Variants in ZFYVE9 observed in about 807,000 individuals in gnomAD.
ZFYVE9 encodes zinc finger FYVE domain-containing protein 9.
In ZFYVE9, 43 loss-of-function variants were observed where a neutral mutation model predicts 126.7. The observed-to-expected ratio is 0.34, with a 90% CI of 0.27 to 0.44. The LOEUF is 0.44. ZFYVE9 is among the 20% of genes least tolerant of loss of function. ZFYVE9 has a pLI of 1.00. For synonymous variants in ZFYVE9, 521 were observed against 597.4 expected, an observed-to-expected ratio of 0.87 and a Z score of 1.87; for missense variants, 1,476 against 1,697.0, an observed-to-expected ratio of 0.87 and a Z score of 2.29.
intron 13 of ZFYVE9, among the ~76,000 whole-genome samples, chr1:52,320,665 A>G (rs912521661): frequency 2.6e-5 from 4 of 152,240 alleles, no homozygotes; most frequent in Non-Finnish European, 4.4e-5. Flanking sequence ...CAGAGTTAAA[A>G]CTAAAACTTC....
intron 1 of ZFYVE9, among the ~76,000 whole-genome samples, chr1:52,147,048 C>T (rs1318896906): frequency 1.3e-5 from 2 of 151,934 alleles, no homozygotes; most frequent in African/African-American, 4.8e-5. Flanking sequence ...GTTTCATGTA[C>T]AAAATTATTA....
intron 12 of ZFYVE9, among the ~76,000 whole-genome samples, chr1:52,303,092 A>C (rs924765336): frequency 3.3e-5 from 5 of 152,206 alleles, no homozygotes; most frequent in Admixed American, 3.3e-4. Flanking sequence ...CTCGGGCAAC[A>C]GAGTGAGACT....
At chr1:52,308,411 T>C (rs921522753) in intron 13 of ZFYVE9, among the ~76,000 whole-genome samples, 1 of 152,144 alleles carries the variant, frequency 6.6e-6, no homozygotes, top group Non-Finnish European at 1.5e-5. Context: ...GATCCTGAAC[T>C]CCTGGGCTTA....
At chr1:52,265,539 G>A (rs922540309) in intron 5 of ZFYVE9, among the ~76,000 whole-genome samples, 4 of 152,200 alleles carry the variant, frequency 2.6e-5, no homozygotes, top group African/African-American at 2.4e-5. Context: ...CTTTAAAGGC[G>A]ATAGGTGATG....
In ZFYVE9 at chr1:52,182,797, T is replaced by A. The variant is rs1028326610; in HGVS notation, c.-142-33572T>A. 2.8e-4 allele frequency among the ~76,000 whole-genome samples: 43 copies of A among 151,986 alleles called. 2 individuals are homozygous for A. The highest frequency in any genetic ancestry group is 1.4e-3 in the Admixed American group (22 of 15,268). On this transcript the variant is annotated intron_variant, in intron 1 of 18. Coordinates refer to ENST00000287727, the MANE Select transcript of ZFYVE9 (RefSeq NM_004799.4). Reference sequence around the variant, plus strand: ...AAATAAATATTTTGGAACTCTTTTTTAAATTATAGTATTTCCTTTAAAAAA... The same window carrying A: ...AAATAAATATTTTGGAACTCTTTTTAAAATTATAGTATTTCCTTTAAAAAA...
At chr1:52,300,162 C>T (rs143247345) in intron 12 of ZFYVE9, among the ~76,000 whole-genome samples, 109 of 152,338 alleles carry the variant, frequency 7.2e-4, no homozygotes, top group African/African-American at 2.5e-3. Context: ...CAGCATACTT[C>T]CACAGCCACT....
intron 10 of ZFYVE9, among the ~76,000 whole-genome samples, chr1:52,283,737 G>A (rs1645827209): frequency 6.6e-6 from 1 of 152,130 alleles, no homozygotes; most frequent in Non-Finnish European, 1.5e-5. Context: ...ACTACAGAGA[G>A]TCCCAGAAAA....
chr1:52,167,038 T>A (rs983509308), intron 1 of ZFYVE9, among the ~76,000 whole-genome samples: 6 of 152,256 alleles, frequency 3.9e-5, no homozygotes, highest in Non-Finnish European at 7.3e-5. Flanking sequence ...TCCAATATAA[T>A]TTAAAAAGTT....
At chr1:52,316,631 A>G (rs562215229) in intron 13 of ZFYVE9, among the ~76,000 whole-genome samples, 8 of 152,324 alleles carry the variant, frequency 5.3e-5, no homozygotes, top group East Asian at 3.9e-4. Flanking sequence ...AAAGGGATCA[A>G]TTTATCAAAA....
At chr1:52,213,146 A>G (rs181683272) in intron 1 of ZFYVE9, among the ~76,000 whole-genome samples, 83 of 152,290 alleles carry the variant, frequency 5.5e-4, no homozygotes, top group African/African-American at 1.9e-3. Flanking sequence ...TCTGAGAAGC[A>G]TATTCTCCAT....
intron 4 of ZFYVE9, among the ~76,000 whole-genome samples, chr1:52,257,568 T>C (rs945499783): frequency 1.3e-5 from 2 of 152,180 alleles, no homozygotes; most frequent in African/African-American, 4.8e-5. Flanking sequence ...GCTGTAACCA[T>C]TAGGCATAAA....
intron 13 of ZFYVE9, 79 bp downstream of exon 13, chr1:52,304,004 T>G: frequency 1.1e-6 from 1 of 882,764 alleles, no homozygotes; most frequent in Non-Finnish European, 1.6e-6. Context: ...ATATATAAAT[T>G]TTACTTATAA....
chr1:52,152,278 G>C (rs1644364758), intron 1 of ZFYVE9, among the ~76,000 whole-genome samples: 1 of 152,168 alleles, frequency 6.6e-6, no homozygotes, highest in Non-Finnish European at 1.5e-5. Flanking sequence ...GCATGAGCCA[G>C]TGTGCCTGGC....
At chr1:52,259,349 A>C (rs1474435511) in intron 4 of ZFYVE9, among the ~76,000 whole-genome samples, 1 of 152,182 alleles carries the variant, frequency 6.6e-6, no homozygotes, top group Non-Finnish European at 1.5e-5. Flanking sequence ...ACTTCAGCTT[A>C]AGTATTTGTG....
intron 13 of ZFYVE9, among the ~76,000 whole-genome samples, chr1:52,330,056 A>G (rs951942777): frequency 2.0e-5 from 3 of 151,414 alleles, no homozygotes; most frequent in Non-Finnish European, 4.4e-5. Flanking sequence ...ACATAGCACC[A>G]TAGTCTCTAA....
At chr1:52,274,860 A>T (rs1388917888) in intron 8 of ZFYVE9, among the ~76,000 whole-genome samples, 1 of 152,226 alleles carries the variant, frequency 6.6e-6, no homozygotes, top group African/African-American at 2.4e-5. Context: ...TTCAAAGCAC[A>T]TAATATTCTG....
chr1:52,199,258 G>A (rs1025458537), intron 1 of ZFYVE9, among the ~76,000 whole-genome samples: 1 of 151,956 alleles, frequency 6.6e-6, no homozygotes, highest in South Asian at 2.1e-4. Context: ...TAGTAGAGAC[G>A]GAGTTTCACC....
chr1:52,343,319 T>A (rs1179642705), intron 17 of ZFYVE9, among the ~76,000 whole-genome samples: 1 of 151,376 alleles, frequency 6.6e-6, no homozygotes, highest in Admixed American at 6.6e-5. Flanking sequence ...GGTGGCAGGC[T>A]CCTGTAATCC....
At chr1:52,331,784 T>A (rs1346248064) in intron 13 of ZFYVE9, among the ~76,000 whole-genome samples, 4 of 150,050 alleles carry the variant, frequency 2.7e-5, no homozygotes, top group South Asian at 4.3e-4. Context: ...TTTTTTTTTT[T>A]TTTATTTTTT....
Sources: allele counts gnomAD v4.1 joint callset (sites outside exome capture counted in the v4.1 genomes callset), GRCh38; gene constraint gnomAD v4.1.1; transcripts MANE v1.5; gene names NCBI Gene and HGNC (gene_info 2026-07-23, HGNC 2026-07-21).